The following VWA3A variants were observed in gnomAD, a reference collection of about 807,000 sequenced individuals.
VWA3A encodes the protein von Willebrand factor A domain containing 3A.
A neutral mutation model predicts 160.4 loss-of-function variants in VWA3A; 134 were observed. The ratio of observed to expected loss-of-function variants is 0.84; its 90% confidence interval spans 0.73 to 0.96. The LOEUF is 0.96. Among genes scored for constraint, VWA3A ranks in the 40% least tolerant of loss-of-function variants. The pLI is 0.00. For missense variants in VWA3A, 1,310 were observed against 1,447.9 expected, an observed-to-expected ratio of 0.90 and a Z score of 1.55; for synonymous variants, 476 against 543.4, an observed-to-expected ratio of 0.88 and a Z score of 1.72.
At chr16:22,098,695 T>C (rs926179220) in intron 3 of VWA3A, among the ~76,000 whole-genome samples, 31 of 152,254 alleles carry the variant, frequency 2.0e-4, no homozygotes, top group African/African-American at 6.7e-4. Context: ...ATAGTGTATC[T>C]TCAAGTATGA....
chr16:22,127,076 T>C (rs977771521), intron 17 of VWA3A, among the ~76,000 whole-genome samples: 1 of 150,044 alleles, frequency 6.7e-6, no homozygotes, highest in African/African-American at 2.4e-5. Context: ...TAATTAAATA[T>C]AGTACATATC....
intron 6 of VWA3A, among the ~76,000 whole-genome samples, chr16:22,106,529 G>A (rs1022421919): frequency 6.6e-5 from 10 of 152,260 alleles, no homozygotes; most frequent in Non-Finnish European, 1.0e-4. Flanking sequence ...GAGACAGCAA[G>A]TCCAAAAGTC....
intron 6 of VWA3A, 57 bp from the exon 7 acceptor site, chr16:22,109,425 G>A (rs929665730): frequency 1.3e-5 from 19 of 1,412,578 alleles, no homozygotes; most frequent in Non-Finnish European, 1.9e-5. Context: ...GAGCAGCTCA[G>A]TGTAGGAGAC....
intron 16 of VWA3A, among the ~76,000 whole-genome samples, chr16:22,124,503 A>T (rs1000058282): frequency 6.7e-6 from 1 of 149,072 alleles, no homozygotes; most frequent in South Asian, 2.1e-4. Flanking sequence ...ACATTTACAA[A>T]GTATTATATT....
intron 32 of VWA3A, 76 bp from the exon 33 acceptor site, chr16:22,155,775 C>T (rs1483224697): frequency 1.9e-6 from 3 of 1,609,014 alleles, no homozygotes; most frequent in Non-Finnish European, 2.6e-6. Flanking sequence ...TCCAAGGGTT[C>T]CTGCCCTGCT....
chr16:22,092,736 G>A, intron 1 of VWA3A, 85 bp downstream of exon 1: 1 of 1,519,364 alleles, frequency 6.6e-7, no homozygotes, highest in Non-Finnish European at 8.9e-7. Context: ...TGAGTGAGAA[G>A]ATCGAGGGAG....
chr16:22,114,027 G>GA (rs961930919), intron 8 of VWA3A, among the ~76,000 whole-genome samples: 218 of 137,092 alleles, frequency 1.6e-3, no homozygotes, highest in South Asian at 4.4e-3. Context: ...ATGGCTTTGA[G>GA]AAAAAAAAAA....
rs774492916 is a variant in VWA3A, at chr16:22,148,184, C to T, written c.2862C>T (p.Thr954=). ...CAGGGAGCCGCCGACTGTTTGGCAC[C>T]GTTTTGGAGAGCAAAGTATGCATAT... ...LLSGSRRLFG[T]VLESKVCILL... Residue 954 remains threonine, a synonymous_variant, in exon 28 of 34, where the codon ACC becomes ACT. Transcript: ENST00000389398. 18 of 1,603,068 alleles carry T rather than the reference C, an allele frequency of 1.1e-5. No individual in the cohort carries two copies. Among genetic ancestry groups the T allele is most frequent in the African/African-American group, 5.4e-5 (4 of 74,684 alleles).
chr16:22,101,937 C>G (rs1281604732), intron 5 of VWA3A, among the ~76,000 whole-genome samples: 1 of 152,190 alleles, frequency 6.6e-6, no homozygotes, highest in Non-Finnish European at 1.5e-5. Flanking sequence ...TGGATAGAAT[C>G]CTGTTGTTAC....
intron 28 of VWA3A, among the ~76,000 whole-genome samples, chr16:22,149,401 GCTAAT>G (rs2046308918): frequency 6.6e-6 from 1 of 152,086 alleles, no homozygotes; most frequent in South Asian, 2.1e-4. Context: ...ACCATGCCTG[GCTAAT>G]TTTTTAAAAA....
At position 22,115,383 on chromosome 16, in the gene VWA3A, G is replaced by T. The variant is rs2045614950; in HGVS notation, c.726G>T (p.Gln242His). The change falls in exon 9 of 34, where the codon CAG becomes CAT. Residue 242 changes from glutamine (Q) to histidine (H), a missense_variant. Physicochemically the swap from Gln to His is conservative, Grantham distance 24. Coordinates refer to ENST00000389398, the MANE Select transcript of VWA3A (RefSeq NM_173615.5). Reference sequence around the variant, plus strand: ...TTAAGCTCTGGGTAAAGACGCTGCAGCCTGATGGAGGCAGCAACCTGCTAC... The same window carrying T: ...TTAAGCTCTGGGTAAAGACGCTGCATCCTGATGGAGGCAGCAACCTGCTAC... Reference protein sequence around the residue: ...QELKLWVKTLQPDGGSNLLQA... With the variant: ...QELKLWVKTLHPDGGSNLLQA... The T allele has an allele frequency of 1.2e-6, 2 of 1,601,402 alleles. No homozygotes were observed. Among genetic ancestry groups the T allele is most frequent in the Non-Finnish European group, 8.5e-7 (1 of 1,173,776 alleles).
Position 22,150,854 on chromosome 16 carries a change from A to G in VWA3A, c.3281+8A>G, listed in dbSNP as rs754485010. ...CTTGAACTGCTCAGACAGGTGCGCA[A>G]TATGGAGTCTGACTGAGTTTTATTC... On this transcript the variant is annotated splice_region_variant and intron_variant, in intron 30 of 33. Transcript: ENST00000389398. The G allele has an allele frequency of 6.8e-6, 11 of 1,610,872 alleles. No homozygotes were observed. The highest frequency in any genetic ancestry group is 9.3e-6 in the Non-Finnish European group (11 of 1,178,530).
In VWA3A at chr16:22,149,840, T is replaced by C. The variant is rs780217585; in HGVS notation, c.3038T>C (p.Val1013Ala). Residue 1013 changes from valine to alanine, a missense_variant, in exon 29 of 34, where the codon GTG becomes GCG. Val to Ala is a moderately conservative substitution (Grantham distance 64). Transcript: ENST00000389398. ...ESFQSWQDTL[V>A]ETTDAACHEA... Reference sequence around the variant, plus strand: ...TTTCAGTCATGGCAGGACACGCTGGTGGAGACCACAGATGCAGCGTGTCAT... The same window carrying C: ...TTTCAGTCATGGCAGGACACGCTGGCGGAGACCACAGATGCAGCGTGTCAT... 6.2e-7 allele frequency: 1 copy of C among 1,606,854 alleles called. No individual in the cohort carries two copies. Among genetic ancestry groups the C allele is most frequent in the Non-Finnish European group, 8.5e-7 (1 of 1,176,602 alleles).
chr16:22,123,585 C>A, intron 15 of VWA3A, 28 bp from the exon 16 acceptor site: 1 of 1,613,806 alleles, frequency 6.2e-7, no homozygotes, highest in Non-Finnish European at 8.5e-7. Flanking sequence ...CTTTGAGCAG[C>A]CGCTCACTGT....
In VWA3A at chr16:22,115,559, C is replaced by T. The variant is rs528100598; in HGVS notation, c.815+87C>T. The T allele has an allele frequency of 6.3e-5, 90 of 1,427,922 alleles. 1 individual carries two copies. Among genetic ancestry groups the T allele is most frequent in the Non-Finnish European group, 7.3e-5 (79 of 1,076,832 alleles). 88.5% of individuals were successfully genotyped at this position (1,427,922 alleles called of 1,614,324 possible). On this transcript the variant is annotated intron_variant, in intron 9 of 33. Transcript: ENST00000389398. ...TTTTTGAGAAAAGATTGGCTTGTCA[C>T]AGTGGCTCATGCCTGTAATCCCAGC...
chr16:22,127,633 T>C (rs1420180201), intron 17 of VWA3A, among the ~76,000 whole-genome samples: 1 of 152,190 alleles, frequency 6.6e-6, no homozygotes, highest in Non-Finnish European at 1.5e-5. Context: ...TATATAAAAA[T>C]ATTTATGGTA....
At chr16:22,133,705 A>AGTCAGGT (rs1382713031) in intron 20 of VWA3A, among the ~76,000 whole-genome samples, 1 of 151,504 alleles carries the variant, frequency 6.6e-6, no homozygotes, top group African/African-American at 2.4e-5. Context: ...GTATATTATG[A>AGTCAGGT]GTCAGGTGGT....
At chr16:22,153,049 T>G (rs972318774) in intron 31 of VWA3A, among the ~76,000 whole-genome samples, 2 of 152,162 alleles carry the variant, frequency 1.3e-5, no homozygotes, top group Non-Finnish European at 2.9e-5. Context: ...CAGCAAGGTT[T>G]AAGAATACAC....
chr16:22,142,462 C>T (rs548974408), intron 24 of VWA3A, among the ~76,000 whole-genome samples: 1 of 151,962 alleles, frequency 6.6e-6, no homozygotes, highest in African/African-American at 2.4e-5. Flanking sequence ...TAACAGCCAG[C>T]CCTTGCGGCA....
Sources: gnomAD v4.1 joint callset for allele counts (sites outside exome capture counted in the v4.1 genomes callset) on GRCh38, gnomAD v4.1.1 for gene constraint, MANE v1.5 for transcripts, NCBI Gene and HGNC (gene_info 2026-07-23, HGNC 2026-07-21) for gene names.